The following CACNA1E variants were observed in gnomAD, a reference collection of about 807,000 sequenced individuals.
CACNA1E encodes the protein voltage-dependent R-type calcium channel subunit alpha-1E.
In CACNA1E, 40 loss-of-function variants were observed where a neutral mutation model predicts 259.2. That is an observed-to-expected ratio of 0.15 (90% CI 0.12 to 0.20). The LOEUF (loss-of-function observed/expected upper bound fraction) is 0.20, where lower values mean the gene tolerates loss of function less well. Ranked by LOEUF, CACNA1E falls within the 10% of genes least tolerant of loss-of-function variation. The pLI is 1.00. For synonymous variants in CACNA1E, 1,104 were observed against 1,138.5 expected (o/e 0.97, Z 0.61); for missense variants, 1,874 against 3,040.1 (o/e 0.62, Z 9.02).
At chr1:181,644,268 AT>A (rs1291699655) in intron 6 of CACNA1E, among the ~76,000 whole-genome samples, 1 of 152,150 alleles carries the variant, frequency 6.6e-6, no homozygotes, top group East Asian at 1.9e-4. Flanking sequence ...AAGTTGACCC[AT>A]TTTGGTTCTA....
chr1:181,717,176 A>T lies in CACNA1E; in HGVS notation c.1399A>T (p.Ile467Phe). The part of the protein sequence containing the change: ...YFRHKERLLR[I>F]SIRHMVKSQV... ...CCGGCACAAGGAAAGGCTTCTGCGC[A>T]TCTCCATTCGCCACATGGTTAAATC... The change falls in exon 11 of 48, where the codon ATC becomes TTC. Residue 467 changes from isoleucine to phenylalanine, a missense_variant. Around this residue, in one of 14 missense-constraint regions of CACNA1E, gnomAD observed 157 missense variants for 203.5 expected, o/e 0.77. Coordinates refer to ENST00000367573, the MANE Select transcript of CACNA1E (RefSeq NM_001205293.3). 2 of 1,613,992 alleles carry T rather than the reference A, an allele frequency of 1.2e-6. No homozygotes were observed. The highest frequency in any genetic ancestry group is 1.7e-6 in the Non-Finnish European group (2 of 1,179,874).
chr1:181,508,259 C>T (rs1043945105), intron 1 of CACNA1E, among the ~76,000 whole-genome samples: 4 of 152,076 alleles, frequency 2.6e-5, no homozygotes, highest in Non-Finnish European at 5.9e-5. Context: ...CTTTGCCCAA[C>T]CCAGGCTTTC....
chr1:181,434,497 CA>C (rs1659940938), intron 2 of CACNA1E, among the ~76,000 whole-genome samples: 1 of 151,650 alleles, frequency 6.6e-6, no homozygotes, highest in African/African-American at 2.4e-5. Context: ...GATCAATAAG[CA>C]GGGTAAGTTT....
rs1663539027 is a variant in CACNA1E, at chr1:181,483,917, T to C, written c.173T>C (p.Val58Ala). ...RTMALYNPIPVRQNCFTVNRS... is the reference protein window; with the variant it reads ...RTMALYNPIPARQNCFTVNRS... Reference sequence around the variant, plus strand: ...ATGGCTTTGTACAACCCCATTCCCGTCCGGCAGAACTGTTTCACCGTCAAC... The same window carrying C: ...ATGGCTTTGTACAACCCCATTCCCGCCCGGCAGAACTGTTTCACCGTCAAC... The change falls in exon 1 of 48, where the codon GTC becomes GCC. Residue 58 changes from valine (V) to alanine (A), a missense_variant. Transcript: ENST00000367573. The C allele has an allele frequency of 6.2e-7, 1 of 1,613,748 alleles. No homozygotes were observed. Among genetic ancestry groups the C allele is most frequent in the South Asian group, 1.1e-5 (1 of 91,074 alleles).
At chr1:181,463,944 T>A (rs78679400) in intron 2 of CACNA1E, among the ~76,000 whole-genome samples, 14,539 of 152,204 alleles carry the variant, frequency 0.096, 819 homozygotes, top group Middle Eastern at 0.16. Flanking sequence ...ATATCACATT[T>A]GGCTCTTTTA....
chr1:181,478,191 G>A lies in CACNA1E; in HGVS notation c.435-5553G>A, dbSNP rs567048979. On this transcript the variant is annotated intron_variant, in intron 2 of 11. Coordinates refer to the CACNA1E transcript ENST00000524607. ...CAAAGATGCAATGAGAAAACATTAC[G>A]GTTGGCACCCAGGAAGTGATGGGTT... Among the ~76,000 whole-genome samples the A allele has an allele frequency of 4.0e-4, 61 of 152,266 alleles. 1 individual carries two copies. In the South Asian group the frequency reaches 0.011, roughly 26 times the overall value.
At chr1:181,730,968 A>G (rs1209458830) in intron 18 of CACNA1E, among the ~76,000 whole-genome samples, 1 of 152,176 alleles carries the variant, frequency 6.6e-6, no homozygotes, top group Non-Finnish European at 1.5e-5. Flanking sequence ...CAAAAACTAG[A>G]TCCATGTATT....
At chr1:181,719,082 G>A (rs1654193961) in intron 12 of CACNA1E, among the ~76,000 whole-genome samples, 1 of 152,230 alleles carries the variant, frequency 6.6e-6, no homozygotes, top group African/African-American at 2.4e-5. Context: ...ATAACAGCTA[G>A]TGAGAGATCA....
chr1:181,779,560 C>A, intron 38 of CACNA1E: 1 of 438,168 alleles, frequency 2.3e-6, no homozygotes, highest in Non-Finnish European at 4.6e-6. Flanking sequence ...CAGTCCCCAG[C>A]CATGATCTGC....
At chr1:181,526,323 A>G (rs987326365) in intron 3 of CACNA1E, among the ~76,000 whole-genome samples, 2 of 151,790 alleles carry the variant, frequency 1.3e-5, no homozygotes, top group African/African-American at 4.8e-5. Context: ...CAGGATTCCA[A>G]TGAGGAAGCC....
intron 8 of CACNA1E, 88 bp from the exon 9 acceptor site, chr1:181,715,250 T>C: frequency 1.3e-6 from 1 of 783,228 alleles, no homozygotes; most frequent in Middle Eastern, 2.2e-4. Flanking sequence ...TCTGTTGCCC[T>C]GAGCTGAAGT....
At chr1:181,786,785 G>A (rs1660881593) in intron 43 of CACNA1E, among the ~76,000 whole-genome samples, 1 of 152,176 alleles carries the variant, frequency 6.6e-6, no homozygotes, top group Non-Finnish European at 1.5e-5. Context: ...TACTAAGAGA[G>A]TGATACTTAG....
intron 7 of CACNA1E, among the ~76,000 whole-genome samples, chr1:181,686,702 A>G (rs755872743): frequency 9.9e-5 from 15 of 152,152 alleles, no homozygotes; most frequent in Non-Finnish European, 1.5e-4. Context: ...TATCCAGATA[A>G]TACAGCTTGG....
At chr1:181,789,460 C>A (rs2102864408) in intron 43 of CACNA1E, among the ~76,000 whole-genome samples, 1 of 152,288 alleles carries the variant, frequency 6.6e-6, no homozygotes, top group South Asian at 2.1e-4. Context: ...GAGTCATCAG[C>A]AGTAGACTTA....
At chr1:181,794,728 A>C (rs1244323655) in intron 45 of CACNA1E, 136 bp from the exon 46 acceptor site, 1 of 671,326 alleles carries the variant, frequency 1.5e-6, no homozygotes, top group East Asian at 2.8e-5. Flanking sequence ...TGAGCAAGAG[A>C]GATTCAAGGG....
chr1:181,680,518 C>T (rs1381196004), intron 7 of CACNA1E, among the ~76,000 whole-genome samples: 1 of 152,154 alleles, frequency 6.6e-6, no homozygotes, highest in Non-Finnish European at 1.5e-5. Context: ...GTGTGTTCCA[C>T]CCGCACATGT....
intron 6 of CACNA1E, among the ~76,000 whole-genome samples, chr1:181,639,810 A>G (rs1657586716): frequency 1.3e-5 from 2 of 152,234 alleles, no homozygotes; most frequent in Non-Finnish European, 2.9e-5. Flanking sequence ...AGGAAAACCA[A>G]GATGAATTTC....
At chr1:181,451,711 A>C (rs1661167807) in intron 2 of CACNA1E, among the ~76,000 whole-genome samples, 2 of 152,208 alleles carry the variant, frequency 1.3e-5, no homozygotes, top group African/African-American at 4.8e-5. Flanking sequence ...AAAAAAATAA[A>C]GTCATAGCTA....
intron 12 of CACNA1E, among the ~76,000 whole-genome samples, chr1:181,718,795 C>G (rs1387613645): frequency 6.6e-6 from 1 of 151,964 alleles, no homozygotes; most frequent in Non-Finnish European, 1.5e-5. Context: ...TATTTTTGTC[C>G]CCTGCCGCTT....
Sources: gnomAD v4.1 joint callset for allele counts (sites outside exome capture counted in the v4.1 genomes callset) on GRCh38, gnomAD v4.1.1 for gene constraint, gnomAD v4.1.1 regional missense constraint, MANE v1.5 for transcripts, NCBI Gene and HGNC (gene_info 2026-07-23, HGNC 2026-07-21) for gene names.